Variants in NT5DC4 observed in about 807,000 individuals in gnomAD.
NT5DC4 encodes the protein 5'-nucleotidase domain-containing protein 4.
In NT5DC4, 44 loss-of-function variants were observed where a neutral mutation model predicts 26.6. The ratio of observed to expected loss-of-function variants is 1.65; its 90% CI spans 1.30 to 2.13. The LOEUF (loss-of-function observed/expected upper bound fraction) is 2.13, where lower values mean the gene tolerates loss of function less well. Among genes scored for constraint, NT5DC4 ranks in the 30% most tolerant of loss-of-function variants. The pLI, the probability that NT5DC4 is intolerant of heterozygous loss-of-function variation, is 0.00. For missense variants in NT5DC4, 399 were observed against 228.1 expected (o/e 1.75, Z -4.83); for synonymous variants, 157 against 86.7 (o/e 1.81, Z -4.51).
chr2:112,732,571 C>T (rs905668869), intron 16 of NT5DC4, among the ~76,000 whole-genome samples: 2 of 152,180 alleles, frequency 1.3e-5, no homozygotes, highest in African/African-American at 4.8e-5. Context: ...AAAAACTGCT[C>T]AGACCCTAGA....
chr2:112,740,856 A>G, downstream of NT5DC4: 2 of 1,613,556 alleles, frequency 1.2e-6, no homozygotes, highest in Non-Finnish European at 1.7e-6. Flanking sequence ...TACCAGGATA[A>G]TTATGCTGTT....
chr2:112,726,712 A>T lies in NT5DC4; in HGVS notation c.1240A>T (p.Ile414Phe), dbSNP rs1478234259. Residue 414 changes from isoleucine to phenylalanine, a missense_variant, in exon 15 of 17, where the codon ATC (isoleucine) becomes TTC (phenylalanine). Coordinates refer to ENST00000688554, the MANE Select transcript of NT5DC4 (RefSeq NM_001393655.1). Reference sequence around the variant, plus strand: ...TGGGAGCAGTTGTGAGCTGCAAGTCATCAACTTCACCAAGAGAGAGATCCA... The same window carrying T: ...TGGGAGCAGTTGTGAGCTGCAAGTCTTCAACTTCACCAAGAGAGAGATCCA... Reference protein sequence around the residue: ...MDGSSCELQVINFTKREIQMP... With the variant: ...MDGSSCELQVFNFTKREIQMP... 2.8e-6 allele frequency: 2 copies of T among 717,542 alleles called. No individual in the cohort carries two copies. Among genetic ancestry groups the T allele is most frequent in the African/African-American group, 1.7e-5 (1 of 57,398 alleles). The allele number at this position is 717,542 out of a possible 1,614,324, so 44.4% of individuals were successfully genotyped here.
Position 112,722,101 on chromosome 2 carries a change from C to T in NT5DC4, c.264C>T (p.Thr88=). The T allele has an allele frequency of 1.4e-6, 1 of 717,042 alleles. No individual in the cohort carries two copies. The highest frequency in any genetic ancestry group is 2.6e-6 in the Non-Finnish European group (1 of 385,070). The allele number at this position is 717,042 out of a possible 1,614,324, so 44.4% of individuals were successfully genotyped here. ...LRYTYDPTFP[T]RRLVFDELYG... is the part of the protein sequence containing the mutation. ...ACACCTACGACCCCACCTTCCCCAC[C>T]AGGTGTGTGGCTCAGGACAGGTGGG... The change falls in exon 3 of 17, where the codon ACC becomes ACT. Residue 88 remains threonine (T), a splice_region_variant and synonymous_variant. Coordinates refer to ENST00000688554, the MANE Select transcript of NT5DC4 (RefSeq NM_001393655.1).
intron 16 of NT5DC4, among the ~76,000 whole-genome samples, chr2:112,730,566 C>T (rs1027491836): frequency 3.3e-5 from 5 of 152,108 alleles, no homozygotes; most frequent in Non-Finnish European, 5.9e-5. Flanking sequence ...AGGCTTGACC[C>T]GCGTCTGAGC....
At chr2:112,735,547 GAAC>G (rs1251273833) in intron 16 of NT5DC4, among the ~76,000 whole-genome samples, 5 of 149,190 alleles carry the variant, frequency 3.4e-5, no homozygotes, top group South Asian at 2.2e-4. Flanking sequence ...AGCCATCCCC[GAAC>G]AACATTAGAC....
chr2:112,735,480 C>T (rs77166152), intron 16 of NT5DC4, among the ~76,000 whole-genome samples: 2,094 of 124,654 alleles, frequency 0.017, 28 homozygotes, highest in Admixed American at 0.033. Context: ...TATATATAAT[C>T]CTCCCCCCCC....
chr2:112,721,765 T>G (rs1676890822), intron 1 of NT5DC4, 53 bp from the exon 2 acceptor site: 3 of 716,890 alleles, frequency 4.2e-6, no homozygotes, highest in South Asian at 1.5e-5. Flanking sequence ...CCTTGGGCCT[T>G]GGATTCTGGG....
downstream of NT5DC4, chr2:112,742,469 C>T: frequency 1.4e-6 from 1 of 717,986 alleles, no homozygotes; most frequent in South Asian, 1.5e-5. Flanking sequence ...GGAAGTGGGA[C>T]ACTCCAGTCT....
At chr2:112,735,924 T>C (rs888457206) in intron 16 of NT5DC4, among the ~76,000 whole-genome samples, 4 of 152,150 alleles carry the variant, frequency 2.6e-5, no homozygotes, top group African/African-American at 9.7e-5. Context: ...CTGTGAGACA[T>C]CCTGCAAGGA....
At chr2:112,726,593 C>A (rs142350171) in intron 14 of NT5DC4, 85 bp from the exon 15 acceptor site, 5 of 713,064 alleles carry the variant, frequency 7.0e-6, no homozygotes, top group South Asian at 1.5e-5. Flanking sequence ...TCCCCCCACC[C>A]GACCCCTGCT....
chr2:112,734,472 T>C (rs1678846713), intron 16 of NT5DC4, among the ~76,000 whole-genome samples: 1 of 152,174 alleles, frequency 6.6e-6, no homozygotes, highest in Non-Finnish European at 1.5e-5. Context: ...TCTATCTTTA[T>C]CTTTTCAGCA....
chr2:112,742,420 A>G, downstream of NT5DC4: 1 of 717,628 alleles, frequency 1.4e-6, no homozygotes, highest in East Asian at 2.7e-5. Context: ...AGTCTCTTCC[A>G]GCAAAGAGCT....
chr2:112,740,945 T>G, downstream of NT5DC4: 1 of 1,614,054 alleles, frequency 6.2e-7, no homozygotes, highest in Non-Finnish European at 8.5e-7. Context: ...GATTCCATCT[T>G]CTTGGCCAGC....
chr2:112,742,271 A>G, downstream of NT5DC4: 1 of 669,434 alleles, frequency 1.5e-6, no homozygotes, highest in Non-Finnish European at 2.8e-6. Context: ...AAAGGTTATG[A>G]CCACTGACAG....
At chr2:112,723,847 C>T (rs536648127) in intron 9 of NT5DC4, 45 bp downstream of exon 9, 26 of 715,020 alleles carry the variant, frequency 3.6e-5, no homozygotes, top group Non-Finnish European at 6.0e-5. Flanking sequence ...TCCTTCCTGG[C>T]CCCAGGGGAC....
At chr2:112,719,910 TTC>T (rs1491151868), upstream of NT5DC4, among the ~76,000 whole-genome samples, 3 of 113,384 alleles carry the variant, frequency 2.6e-5, no homozygotes, top group Non-Finnish European at 5.2e-5. Context: ...TTCTTTTTCT[TTC>T]TTTCTTTCTT....
At chr2:112,742,377 C>G (rs772494108), downstream of NT5DC4, 2 of 717,384 alleles carry the variant, frequency 2.8e-6, no homozygotes, top group South Asian at 3.0e-5. Context: ...TATGATTAAA[C>G]ATGTAACTTA....
At chr2:112,721,789 G>A (rs1436950874) in intron 1 of NT5DC4, 29 bp from the exon 2 acceptor site, 2 of 717,050 alleles carry the variant, frequency 2.8e-6, no homozygotes, top group Non-Finnish European at 5.2e-6. Flanking sequence ...CTGGTGGACT[G>A]ATGCCAACAT....
downstream of NT5DC4, chr2:112,742,357 G>A: frequency 1.4e-6 from 1 of 716,862 alleles, no homozygotes; most frequent in Non-Finnish European, 2.6e-6. Context: ...GAGTATGTTG[G>A]TGGGTTTATT....
Sources: gnomAD v4.1 joint callset for allele counts (sites outside exome capture counted in the v4.1 genomes callset) on GRCh38, gnomAD v4.1.1 for gene constraint, MANE v1.5 for transcripts, NCBI Gene and HGNC (gene_info 2026-07-23, HGNC 2026-07-21) for gene names.